DLGAP1: variants seen among roughly 807,000 people sequenced by gnomAD.
DLGAP1 encodes disks large-associated protein 1.
Under a neutral mutation model 90.8 loss-of-function variants are expected in DLGAP1, and 11 were observed. That is an observed-to-expected ratio of 0.12 (90% CI 0.08 to 0.20). DLGAP1 has a LOEUF of 0.20. Among genes scored for constraint, DLGAP1 ranks in the 10% least tolerant of loss-of-function variants. DLGAP1 has a pLI of 1.00. For synonymous variants in DLGAP1, 558 were observed against 540.7 expected, an observed-to-expected ratio of 1.03 and a Z score of -0.44; for missense variants, 1,050 against 1,333.8, an observed-to-expected ratio of 0.79 and a Z score of 3.31.
At chr18:4,261,443 GCTA>G (rs1267238184) in intron 1 of DLGAP1, among the ~76,000 whole-genome samples, 1 of 152,016 alleles carries the variant, frequency 6.6e-6, no homozygotes, top group African/African-American at 2.4e-5. Flanking sequence ...ATGCTATTTT[GCTA>G]CTATTCTTCC....
At chr18:3,904,369 T>A (rs571789029) in intron 3 of DLGAP1, among the ~76,000 whole-genome samples, 6 of 152,202 alleles carry the variant, frequency 3.9e-5, no homozygotes, top group African/African-American at 1.4e-4. Flanking sequence ...GCAAACACTA[T>A]GGCAATGCTG....
intron 4 of DLGAP1, among the ~76,000 whole-genome samples, chr18:3,814,553 G>A (rs907451559): frequency 2.6e-5 from 4 of 151,844 alleles, no homozygotes; most frequent in Non-Finnish European, 5.9e-5. Flanking sequence ...AGTAGAGACG[G>A]GGTTTCACCG....
intron 1 of DLGAP1, among the ~76,000 whole-genome samples, chr18:4,453,244 A>C (rs2083878742): frequency 6.6e-6 from 1 of 152,192 alleles, no homozygotes; most frequent in Admixed American, 6.5e-5. Context: ...CCAGAGTATG[A>C]ATTTTCTGAA....
intron 3 of DLGAP1, among the ~76,000 whole-genome samples, chr18:3,974,228 C>T (rs4797130): frequency 0.38 from 57,704 of 151,714 alleles, 11,255 homozygotes; most frequent in Non-Finnish European, 0.42. Flanking sequence ...GTGCCCACCA[C>T]GACACCTGGC....
At chr18:3,762,940 C>T (rs946052570) in intron 5 of DLGAP1, among the ~76,000 whole-genome samples, 2 of 152,166 alleles carry the variant, frequency 1.3e-5, no homozygotes, top group South Asian at 2.1e-4. Flanking sequence ...ACAGAATGGC[C>T]ATTATCATCC....
chr18:4,256,911 A>G (rs562889749), intron 1 of DLGAP1, among the ~76,000 whole-genome samples: 2 of 152,294 alleles, frequency 1.3e-5, no homozygotes, highest in East Asian at 3.9e-4. Context: ...GAGAAGGACC[A>G]TAACTGCTGG....
At chr18:4,069,812 C>G (rs929212855) in intron 2 of DLGAP1, among the ~76,000 whole-genome samples, 6 of 152,128 alleles carry the variant, frequency 3.9e-5, no homozygotes, top group African/African-American at 1.2e-4. Context: ...AATACACTGG[C>G]CAATTTATCT....
chr18:4,145,773 A>G (rs1306210498), intron 2 of DLGAP1, among the ~76,000 whole-genome samples: 1 of 152,196 alleles, frequency 6.6e-6, no homozygotes, highest in African/African-American at 2.4e-5. Context: ...AAAAATTGAG[A>G]CCATATGAAC....
chr18:4,099,702 C>CTTTTTTTTTTTTTT (rs59311920), intron 2 of DLGAP1, among the ~76,000 whole-genome samples: 1 of 133,858 alleles, frequency 7.5e-6, no homozygotes. Flanking sequence ...TCTTTTTTTA[C>CTTTTTTTTTTTTTT]TTTTTTTTTT....
At chr18:3,754,840 G>A (rs2063652901) in intron 5 of DLGAP1, among the ~76,000 whole-genome samples, 1 of 151,924 alleles carries the variant, frequency 6.6e-6, no homozygotes, top group South Asian at 2.1e-4. Flanking sequence ...AGGTTGCAGT[G>A]AGCAGAGATC....
intron 3 of DLGAP1, among the ~76,000 whole-genome samples, chr18:3,958,670 A>C (rs1161509527): frequency 6.6e-6 from 1 of 151,248 alleles, no homozygotes; most frequent in Non-Finnish European, 1.5e-5. Flanking sequence ...GGTATTTGAG[A>C]ATCTGGAGTT....
At chr18:4,009,837 A>G (rs2074382208) in intron 2 of DLGAP1, among the ~76,000 whole-genome samples, 1 of 152,200 alleles carries the variant, frequency 6.6e-6, no homozygotes, top group South Asian at 2.1e-4. Flanking sequence ...CACCGGACCA[A>G]GGGAACAGTA....
chr18:3,880,158 A>G lies in DLGAP1; in HGVS notation c.-72-18T>C. On this transcript the variant is annotated intron_variant, in intron 3 of 12. Coordinates refer to ENST00000315677, the MANE Select transcript of DLGAP1 (RefSeq NM_004746.4). ...GCAGGGATCTGGGGGAATGAAGAAAAGGGCAAAGTCGTTAACATTTCTCTT... is the reference window on the plus strand; with the variant it reads ...GCAGGGATCTGGGGGAATGAAGAAAGGGGCAAAGTCGTTAACATTTCTCTT... 8.4e-7 allele frequency: 1 copy of G among 1,191,964 alleles called. No homozygotes were observed. The highest frequency in any genetic ancestry group is 1.2e-6 in the Non-Finnish European group (1 of 829,306). 73.8% of individuals were successfully genotyped at this position (1,191,964 alleles called of 1,614,324 possible). A position where few individuals can be genotyped will look rare whatever the true frequency, so the allele number is the denominator to read the frequency against.
chr18:3,639,359 GAGAAAAGAAAAGAAA>G lies in DLGAP1; in HGVS notation c.1592-57126_1592-57112del, dbSNP rs199859623. 2.8e-3 allele frequency among the ~76,000 whole-genome samples: 385 copies of G among 136,628 alleles called. 2 individuals are homozygous for G. Among genetic ancestry groups the G allele is most frequent in the African/African-American group, 9.4e-3 (319 of 33,950 alleles). The allele number at this position is 136,628 out of a possible 152,430, so 89.6% of individuals were successfully genotyped here. On this transcript the variant is annotated intron_variant, in intron 7 of 12. Coordinates refer to ENST00000315677, the MANE Select transcript of DLGAP1 (RefSeq NM_004746.4). ...CAACAGCGAGACTCCATCTCAAAAA[GAGAAAAGAAAAGAAA>G]AGAAAAGAAAAGAAAAGAAAAGAAA...
chr18:4,041,834 A>G (rs1483535950), intron 2 of DLGAP1, among the ~76,000 whole-genome samples: 1 of 152,222 alleles, frequency 6.6e-6, no homozygotes, highest in Non-Finnish European at 1.5e-5. Flanking sequence ...TTAACATATT[A>G]AAGGGCATAT....
intron 1 of DLGAP1, among the ~76,000 whole-genome samples, chr18:4,427,959 T>G (rs1325318012): frequency 6.6e-6 from 1 of 152,214 alleles, no homozygotes; most frequent in African/African-American, 2.4e-5. Context: ...AGCCTGGATG[T>G]AAATTGTTCA....
At chr18:3,665,044 T>C (rs1440608197) in intron 7 of DLGAP1, among the ~76,000 whole-genome samples, 2 of 152,154 alleles carry the variant, frequency 1.3e-5, no homozygotes, top group Non-Finnish European at 2.9e-5. Context: ...AGTTCCTTTT[T>C]GTAACCGCTG....
At position 3,782,457 on chromosome 18, in the gene DLGAP1, T is replaced by C. The variant is rs564990100; in HGVS notation, c.1172+31602A>G. 2.0e-5 allele frequency among the ~76,000 whole-genome samples: 3 copies of C among 152,310 alleles called. No individual in the cohort carries two copies. In the East Asian group the frequency reaches 5.8e-4, roughly 29 times the overall value. ...CGGCCTTGGTCCAAGATTTAAAGTATGAAGCATTCGGCACAAAACAAAGAC... is the reference window on the plus strand; with the variant it reads ...CGGCCTTGGTCCAAGATTTAAAGTACGAAGCATTCGGCACAAAACAAAGAC... On this transcript the variant is annotated intron_variant, in intron 5 of 12. Coordinates refer to ENST00000315677, the MANE Select transcript of DLGAP1 (RefSeq NM_004746.4).
At chr18:3,604,217 T>C (rs1266776164) in intron 7 of DLGAP1, 1 of 152,274 alleles carries the variant, frequency 6.6e-6, no homozygotes, top group Non-Finnish European at 1.5e-5. Context: ...AAGCATCAGG[T>C]GAGTCTGATA....
Sources: allele counts gnomAD v4.1 joint callset (sites outside exome capture counted in the v4.1 genomes callset), GRCh38; gene constraint gnomAD v4.1.1; transcripts MANE v1.5; gene names NCBI Gene and HGNC (gene_info 2026-07-23, HGNC 2026-07-21).